The following ATF3 variants were observed in gnomAD, a reference collection of about 807,000 sequenced individuals.
The protein encoded by ATF3 is activating transcription factor 3, also known as cyclic AMP-dependent transcription factor ATF-3.
Under a neutral mutation model 18.4 loss-of-function variants are expected in ATF3, and 10 were observed. The ratio of observed to expected loss-of-function variants is 0.54; its 90% CI spans 0.34 to 0.92. The LOEUF (loss-of-function observed/expected upper bound fraction) is 0.92. Among genes scored for constraint, ATF3 ranks in the 40% least tolerant of loss-of-function variants. ATF3 has a pLI of 0.02. For synonymous variants in ATF3, 78 were observed against 87.9 expected (o/e 0.89, Z 0.63); for missense variants, 183 against 222.3 (o/e 0.82, Z 1.12).
At chr1:212,579,896 G>A (rs931819765) in intron 1 of ATF3, among the ~76,000 whole-genome samples, 2 of 151,962 alleles carry the variant, frequency 1.3e-5, no homozygotes, top group Non-Finnish European at 2.9e-5. Context: ...TGTAATTCCA[G>A]CACTTTGGGA....
Position 212,578,251 on chromosome 1 carries a change from CT to C in ATF3, c.-5+12769del, listed in dbSNP as rs1664618103. 2.6e-5 allele frequency among the ~76,000 whole-genome samples: 4 copies of C among 152,300 alleles called. No individual in the cohort carries two copies. The South Asian group carries it at 8.3e-4, about 32-fold the overall frequency. On this transcript the variant is annotated intron_variant, in intron 1 of 3. Transcript: ENST00000366981. ...TTAAATATTGCATCACTGTCATTTCCTCCTTTCTCTTCTTTCAGAATTTTTG... is the reference window on the plus strand; with the variant it reads ...TTAAATATTGCATCACTGTCATTTCCCCTTTCTCTTCTTTCAGAATTTTTG...
rs369230987 is a variant in ATF3 at position 212,619,558 on chromosome 1, A to G, written c.*3A>G. On this transcript the variant is annotated 3_prime_UTR_variant, in exon 4 of 4. Transcript: ENST00000341491. The surrounding 1 kb of genome is among the most constrained non-coding windows in gnomAD (Gnocchi z 4.4). ...AAGAAGGAACATTGCAGAGCTAAGC[A>G]GTCGTGGTATGGGGGCGACTGGGGA... The G allele has an allele frequency of 5.0e-6, 8 of 1,613,962 alleles. No homozygotes were observed. The African/African-American group carries it at 1.1e-4, about 22-fold the overall frequency.
At chr1:212,608,247 A>G (rs1259768063), upstream of ATF3, among the ~76,000 whole-genome samples, 1 of 152,166 alleles carries the variant, frequency 6.6e-6, no homozygotes, top group Non-Finnish European at 1.5e-5. Context: ...CCAGAAAATG[A>G]CCACGCATTT....
At chr1:212,566,199 T>C (rs1342425828) in intron 1 of ATF3, among the ~76,000 whole-genome samples, 1 of 152,170 alleles carries the variant, frequency 6.6e-6, no homozygotes, top group Non-Finnish European at 1.5e-5. Context: ...AGTCATTGTT[T>C]CTCTTTAAGT....
At chr1:212,589,811 T>G (rs1466544943) in intron 1 of ATF3, among the ~76,000 whole-genome samples, 1 of 151,762 alleles carries the variant, frequency 6.6e-6, no homozygotes, top group Non-Finnish European at 1.5e-5. Flanking sequence ...ACTTTTTTTT[T>G]TTTTTTTTAA....
At chr1:212,592,649 C>G (rs12026647) in intron 1 of ATF3, among the ~76,000 whole-genome samples, 40,931 of 151,586 alleles carry the variant, frequency 0.27, 6,134 homozygotes, top group African/African-American at 0.41. Flanking sequence ...ACCATTTCCT[C>G]TATCCTCTGA....
chr1:212,596,151 T>C (rs1412685356), intron 1 of ATF3, among the ~76,000 whole-genome samples: 2 of 152,200 alleles, frequency 1.3e-5, no homozygotes, highest in Non-Finnish European at 2.9e-5. Flanking sequence ...AAATTTAACA[T>C]GAGAAAAAAT....
In ATF3 at chr1:212,618,920, G is replaced by C. The variant is rs1422781660; in HGVS notation, c.349-438G>C. 8.8e-6 allele frequency: 11 copies of C among 1,248,402 alleles called. No homozygotes were observed. Among genetic ancestry groups the C allele is most frequent in the African/African-American group, 1.5e-5 (1 of 67,350 alleles). The allele number at this position is 1,248,402 out of a possible 1,614,324, so 77.3% of individuals were successfully genotyped here. A position where few individuals can be genotyped will look rare whatever the true frequency, so the allele number is the denominator to read the frequency against. ...CCCAAAAGTTCTGTTGATTGCTTCA[G>C]GGGATCAGTGAAAATTAGGGAATTT... On this transcript the variant is annotated intron_variant, in intron 3 of 3. Transcript: ENST00000341491. The surrounding 1 kb of genome is among the most constrained non-coding windows in gnomAD (Gnocchi z 4.4).
At chr1:212,581,388 C>T (rs1406694390) in intron 1 of ATF3, among the ~76,000 whole-genome samples, 1 of 152,082 alleles carries the variant, frequency 6.6e-6, no homozygotes, top group Non-Finnish European at 1.5e-5. Context: ...AAAACCAAGA[C>T]CTTTTTGAGT....
At chr1:212,573,981 C>G (rs1355366271) in intron 1 of ATF3, among the ~76,000 whole-genome samples, 1 of 149,660 alleles carries the variant, frequency 6.7e-6, no homozygotes, top group East Asian at 1.9e-4. Context: ...TATTTGTCTA[C>G]TTTATTACTT....
Position 212,615,250 on chromosome 1 carries a change from A to G in ATF3, c.229A>G (p.Thr77Ala). The part of the protein sequence containing the change: ...VSDRPLGVSI[T>A]KAEVAPEEDE... ...CGACAGACCCCTCGGGGTGTCCATC[A>G]CAAAAGCCGAGGTGGGTTCTATCAC... The change falls in exon 2 of 4, where the codon ACA (threonine) becomes GCA (alanine). Residue 77 changes from threonine (T) to alanine (A), a missense_variant. Transcript: ENST00000341491. 1.2e-6 allele frequency: 2 copies of G among 1,613,922 alleles called. No individual in the cohort carries two copies. Among genetic ancestry groups the G allele is most frequent in the Non-Finnish European group, 1.7e-6 (2 of 1,179,814 alleles).
At chr1:212,605,628 T>C (rs1654602687), upstream of ATF3, among the ~76,000 whole-genome samples, 1 of 152,258 alleles carries the variant, frequency 6.6e-6, no homozygotes, top group Non-Finnish European at 1.5e-5. Context: ...TCTCAAACTT[T>C]TTTGTTTTTT....
chr1:212,610,339 T>C (rs184701142), intron 1 of ATF3, among the ~76,000 whole-genome samples: 75 of 152,368 alleles, frequency 4.9e-4, no homozygotes, highest in African/African-American at 1.8e-3. Context: ...GTGACAGTCA[T>C]ATCTTCTGTT....
intron 1 of ATF3, among the ~76,000 whole-genome samples, chr1:212,601,621 G>T (rs746454188): frequency 3.9e-5 from 6 of 152,146 alleles, no homozygotes; most frequent in Non-Finnish European, 8.8e-5. Flanking sequence ...TACCTCACAG[G>T]TTATTATAAG....
At chr1:212,614,941 AG>A in intron 1 of ATF3, 76 bp from the exon 2 acceptor site, 1 of 1,612,772 alleles carries the variant, frequency 6.2e-7, no homozygotes, top group Non-Finnish European at 8.5e-7. Context: ...CTGGTGTTGG[AG>A]GTCTGGTGGG....
intron 1 of ATF3, among the ~76,000 whole-genome samples, chr1:212,597,871 A>G (rs1654358420): frequency 6.6e-6 from 1 of 152,188 alleles, no homozygotes; most frequent in African/African-American, 2.4e-5. Flanking sequence ...TCCATCTCCT[A>G]CCTTAGAAAC....
In ATF3 at chr1:212,616,212, G is replaced by A. The variant is rs143791589; in HGVS notation, c.240+951G>A. ...TTATTATTGTATAGATGCAGCCCTG[G>A]GCTCAAAGTGAGGTGGGAAACCACA... On this transcript the variant is annotated intron_variant, in intron 2 of 3. Coordinates refer to ENST00000341491, the MANE Select transcript of ATF3 (RefSeq NM_001674.4). Among the ~76,000 whole-genome samples the A allele has an allele frequency of 2.3e-4, 35 of 152,108 alleles. No homozygotes were observed. The East Asian group carries it at 5.4e-3, about 24-fold the overall frequency.
At chr1:212,613,640 C>T (rs1306442152) in intron 1 of ATF3, 1 of 152,222 alleles carries the variant, frequency 6.6e-6, no homozygotes, top group African/African-American at 2.4e-5. Flanking sequence ...TGCCAGAGGG[C>T]TTCTTCTCTG....
At chr1:212,584,379 A>G (rs749865050) in intron 1 of ATF3, among the ~76,000 whole-genome samples, 5 of 152,100 alleles carry the variant, frequency 3.3e-5, no homozygotes, top group African/African-American at 1.2e-4. Flanking sequence ...GGGCCACTAG[A>G]TCTGTAGTCA....
Sources: allele counts gnomAD v4.1 joint callset (sites outside exome capture counted in the v4.1 genomes callset), GRCh38; gene constraint gnomAD v4.1.1; non-coding constraint Gnocchi (gnomAD v3.1); transcripts MANE v1.5; gene names NCBI Gene and HGNC (gene_info 2026-07-23, HGNC 2026-07-21).